GLI2: variants seen among roughly 807,000 people sequenced by gnomAD.
GLI2 encodes transcription activator GLI2.
Under a neutral mutation model 78.9 loss-of-function variants are expected in GLI2, and 22 were observed. The observed-to-expected ratio is 0.28, with a 90% CI of 0.20 to 0.40. The LOEUF is 0.40. Among genes scored for constraint, GLI2 ranks in the 10% least tolerant of loss-of-function variants. The pLI is 1.00. For missense variants in GLI2, 2,097 were observed against 2,213.2 expected (o/e 0.95, Z 1.05); for synonymous variants, 974 against 963.7 (o/e 1.01, Z -0.20).
At chr2:120,852,104 G>C (rs1687432719) in intron 2 of GLI2, among the ~76,000 whole-genome samples, 1 of 152,200 alleles carries the variant, frequency 6.6e-6, no homozygotes, top group Non-Finnish European at 1.5e-5. Flanking sequence ...AGAAGTCCCA[G>C]GCCCAGAGTG....
Position 120,990,371 on chromosome 2 carries a change from A to T in GLI2, c.4406A>T (p.Gln1469Leu), listed in dbSNP as rs769010893. 4.3e-6 allele frequency: 7 copies of T among 1,614,090 alleles called. No individual in the cohort carries two copies. The South Asian group carries it at 6.6e-5, about 15-fold the overall frequency. ...GCCTGTCAGGACAGCATCCAGCCCC[A>T]GCCCTTGCCCTCACCAGGGGTCAAC... ...PQACQDSIQP[Q>L]PLPSPGVNQV... Residue 1469 changes from glutamine to leucine, a missense_variant, in exon 14 of 14, where the codon CAG becomes CTG. Physicochemically the swap from Gln to Leu is moderately radical, Grantham distance 113 (BLOSUM62 -2). This residue lies in a region of GLI2 where 1,290 missense variants were observed against 1,261.7 expected (regional missense o/e 1.02). Coordinates refer to ENST00000361492, the MANE Select transcript of GLI2 (RefSeq NM_001374353.1).
chr2:120,915,526 T>C (rs1679056189), intron 2 of GLI2, among the ~76,000 whole-genome samples: 1 of 152,192 alleles, frequency 6.6e-6, no homozygotes, highest in Non-Finnish European at 1.5e-5. Flanking sequence ...TGGCTTATTA[T>C]TGAAAATCAT....
At chr2:120,855,378 A>T (rs1687597673) in intron 2 of GLI2, among the ~76,000 whole-genome samples, 1 of 152,156 alleles carries the variant, frequency 6.6e-6, no homozygotes, top group Non-Finnish European at 1.5e-5. Flanking sequence ...GGCTTCACAG[A>T]TGTACTCTGC....
At chr2:120,842,058 C>CAAAAA (rs571517244) in intron 2 of GLI2, among the ~76,000 whole-genome samples, 4 of 74,486 alleles carry the variant, frequency 5.4e-5, no homozygotes, top group East Asian at 4.3e-4. Flanking sequence ...TTTGTCAACT[C>CAAAAA]AAAAAAAAAA....
At chr2:120,785,526 G>A (rs962646278) in intron 1 of GLI2, among the ~76,000 whole-genome samples, 2 of 152,140 alleles carry the variant, frequency 1.3e-5, no homozygotes, top group African/African-American at 4.8e-5. Context: ...ACCAAACCAG[G>A]AGATGCCAGG....
intron 2 of GLI2, among the ~76,000 whole-genome samples, chr2:120,859,240 C>T (rs1392742674): frequency 6.6e-6 from 1 of 152,196 alleles, no homozygotes; most frequent in Non-Finnish European, 1.5e-5. Flanking sequence ...TGAGATCACA[C>T]ATTGAGTTGA....
rs1680965952 is a variant in GLI2 at position 120,951,187 on chromosome 2, TTGG to T, written c.255-52_255-50del. The T allele has an allele frequency of 7.8e-6, 8 of 1,019,482 alleles. No homozygotes were observed. In the Admixed American group the frequency reaches 1.0e-4, roughly 13 times the overall value. 63.2% of individuals were successfully genotyped at this position (1,019,482 alleles called of 1,614,324 possible). A position where few individuals can be genotyped will look rare whatever the true frequency, so the allele number is the denominator to read the frequency against. ...GACTGTCCATGTTGGTTTTGGGGTC[TTGG>T]TGGGGTTCCCTCTGTGTCCTCCTTC... is the stretch of plus-strand genomic sequence containing the variant. On this transcript the variant is annotated intron_variant, in intron 3 of 13. Transcript: ENST00000361492.
chr2:120,988,996 C>G lies in GLI2; in HGVS notation c.3031C>G (p.Pro1011Ala), dbSNP rs776334630. 1 of 1,589,772 alleles carries G rather than the reference C, an allele frequency of 6.3e-7. No individual in the cohort carries two copies. The highest frequency in any genetic ancestry group is 2.3e-5 in the East Asian group (1 of 44,352). The change falls in exon 14 of 14, where the codon CCG (proline) becomes GCG (alanine). Residue 1011 changes from proline (P) to alanine (A), a missense_variant. This residue lies in a region of GLI2 where 1,290 missense variants were observed against 1,261.7 expected (regional missense o/e 1.02). Coordinates refer to ENST00000361492, the MANE Select transcript of GLI2 (RefSeq NM_001374353.1). ...GGCCCGCGGCGCCTACTCGCCCCGG[C>G]CGCCTAGCATCAGCGAGAACGTGGC... ...GLARGAYSPR[P>A]PSISENVAME... is the part of the protein sequence containing the mutation.
At chr2:120,797,784 G>A (rs1684475180) in intron 2 of GLI2, among the ~76,000 whole-genome samples, 1 of 152,124 alleles carries the variant, frequency 6.6e-6, no homozygotes, top group African/African-American at 2.4e-5. Flanking sequence ...GCAGCCCTGG[G>A]GTGCGTGCAG....
At chr2:120,777,704 C>A (rs1046577404) in intron 1 of GLI2, among the ~76,000 whole-genome samples, 9 of 112,082 alleles carry the variant, frequency 8.0e-5, no homozygotes, top group African/African-American at 2.6e-4. Context: ...GGATCCCAGG[C>A]GGGGGTGCAG....
intron 5 of GLI2, among the ~76,000 whole-genome samples, chr2:120,966,327 C>G (rs1681853816): frequency 6.6e-6 from 1 of 152,130 alleles, no homozygotes; most frequent in South Asian, 2.1e-4. Context: ...AACAATTTGC[C>G]CCAAGTCATG....
intron 3 of GLI2, among the ~76,000 whole-genome samples, chr2:120,938,553 G>A (rs1016079711): frequency 6.6e-6 from 1 of 152,208 alleles, no homozygotes; most frequent in African/African-American, 2.4e-5. Context: ...TAAGAAATCT[G>A]CTCTTTGTCA....
In GLI2 at chr2:120,968,924, C is replaced by T. The variant is rs754072010; in HGVS notation, c.845+9C>T. 21 of 1,604,636 alleles carry T rather than the reference C, an allele frequency of 1.3e-5. No individual in the cohort carries two copies. Among genetic ancestry groups the T allele is most frequent in the African/African-American group, 2.7e-5 (2 of 74,860 alleles). ...TCAGCGGGTGCCCTCAGGTGAGCCC[C>T]GCCTGCAAGCAGAGAGCTGAGGACC... On this transcript the variant is annotated intron_variant, in intron 6 of 13. Coordinates refer to ENST00000361492, the MANE Select transcript of GLI2 (RefSeq NM_001374353.1).
At chr2:120,781,515 T>G (rs1683847235) in intron 1 of GLI2, among the ~76,000 whole-genome samples, 2 of 152,242 alleles carry the variant, frequency 1.3e-5, no homozygotes, top group South Asian at 4.1e-4. Flanking sequence ...GATTTATAGT[T>G]TCTCCTAATA....
At chr2:120,918,417 T>C (rs975257589) in intron 2 of GLI2, among the ~76,000 whole-genome samples, 4 of 151,718 alleles carry the variant, frequency 2.6e-5, no homozygotes. Context: ...GGGTTTCTAC[T>C]CTATGGACAC....
At position 120,765,876 on chromosome 2, in the gene GLI2, A is replaced by G. The variant is rs188544913; in HGVS notation, c.-31+29591A>G. Among the ~76,000 whole-genome samples, 52 of 152,286 alleles carry G rather than the reference A, an allele frequency of 3.4e-4. 1 individual carries two copies. Among genetic ancestry groups the G allele is most frequent in the Admixed American group, 3.4e-3 (52 of 15,308 alleles). ...GCACGCGCTAAGGCGGCTGCAGGAG[A>G]CTCAGGGAATGAGATAGGAGATGTT... is the stretch of plus-strand genomic sequence containing the variant. On this transcript the variant is annotated intron_variant, in intron 1 of 13. Transcript: ENST00000361492.
chr2:120,848,597 G>A (rs1687237745), intron 2 of GLI2, among the ~76,000 whole-genome samples: 1 of 152,162 alleles, frequency 6.6e-6, no homozygotes, highest in South Asian at 2.1e-4. Context: ...CCTGGGGAGG[G>A]AAGAGTTGGA....
chr2:120,828,905 ATT>A (rs1186169087), intron 2 of GLI2, among the ~76,000 whole-genome samples: 2 of 147,998 alleles, frequency 1.4e-5, no homozygotes, highest in Non-Finnish European at 3.0e-5. Flanking sequence ...ATTCCTCACA[ATT>A]TCTCTGAAAG....
chr2:120,934,122 G>A (rs1030162901), intron 3 of GLI2, among the ~76,000 whole-genome samples: 1 of 152,196 alleles, frequency 6.6e-6, no homozygotes. Context: ...GGGGACCACT[G>A]CAGGCGCCGC....
Sources: gnomAD v4.1 joint callset for allele counts (sites outside exome capture counted in the v4.1 genomes callset) on GRCh38, gnomAD v4.1.1 for gene constraint, gnomAD v4.1.1 regional missense constraint, MANE v1.5 for transcripts, NCBI Gene and HGNC (gene_info 2026-07-23, HGNC 2026-07-21) for gene names.